KCNK10: variants seen among roughly 807,000 people sequenced by gnomAD.
The protein encoded by KCNK10 is potassium two pore domain channel subfamily K member 10, also known as potassium channel subfamily K member 10.
In KCNK10, 25 loss-of-function variants were observed where a neutral mutation model predicts 47.7. The observed-to-expected ratio is 0.52, with a 90% CI of 0.38 to 0.73. KCNK10 has a LOEUF of 0.73. Ranked by LOEUF, KCNK10 falls within the 30% of genes least tolerant of loss-of-function variation. The pLI is 0.00. For missense variants in KCNK10, 563 were observed against 714.5 expected, an observed-to-expected ratio of 0.79 and a Z score of 2.42; for synonymous variants, 303 against 285.6, an observed-to-expected ratio of 1.06 and a Z score of -0.61.
At chr14:88,252,998 G>C (rs368931732) in intron 2 of KCNK10, among the ~76,000 whole-genome samples, 11 of 152,280 alleles carry the variant, frequency 7.2e-5, no homozygotes, top group African/African-American at 1.7e-4. Context: ...ACGATTAAGA[G>C]AGCGTGGCCT....
chr14:88,218,303 G>A (rs1290736601), intron 4 of KCNK10, among the ~76,000 whole-genome samples: 1 of 152,252 alleles, frequency 6.6e-6, no homozygotes, highest in Non-Finnish European at 1.5e-5. Flanking sequence ...GAGGCCTGCA[G>A]GAGTCTTTGG....
intron 1 of KCNK10, among the ~76,000 whole-genome samples, chr14:88,317,037 T>C (rs964467168): frequency 6.6e-6 from 1 of 152,098 alleles, no homozygotes; most frequent in African/African-American, 2.4e-5. Context: ...CAGTGATCAC[T>C]GGGATTAGCA....
intron 4 of KCNK10, among the ~76,000 whole-genome samples, chr14:88,204,644 CAGTT>C (rs570714949): frequency 4.1e-5 from 6 of 145,040 alleles, no homozygotes; most frequent in Non-Finnish European, 7.5e-5. Context: ...GCTGTAGTAG[CAGTT>C]AGTTTGCAGT....
intron 4 of KCNK10, among the ~76,000 whole-genome samples, chr14:88,197,624 A>G (rs1010215146): frequency 7.1e-6 from 1 of 140,176 alleles, no homozygotes; most frequent in Non-Finnish European, 1.5e-5. Flanking sequence ...CAACTGTTCC[A>G]CTGCAGGAAG....
At chr14:88,270,375 A>C (rs1887374565) in intron 1 of KCNK10, among the ~76,000 whole-genome samples, 1 of 148,658 alleles carries the variant, frequency 6.7e-6, no homozygotes, top group South Asian at 2.2e-4. Context: ...AGATACCCAA[A>C]CAACCAAATC....
chr14:88,241,397 G>A (rs1886463001), intron 2 of KCNK10, among the ~76,000 whole-genome samples: 1 of 152,258 alleles, frequency 6.6e-6, no homozygotes, highest in Non-Finnish European at 1.5e-5. Context: ...AGGATTAAAT[G>A]AGATGGTCCA....
chr14:88,207,719 G>T (rs992782773), intron 4 of KCNK10, among the ~76,000 whole-genome samples: 1 of 152,206 alleles, frequency 6.6e-6, no homozygotes, highest in Admixed American at 6.5e-5. Context: ...TCCAGGCCAT[G>T]TGCTAGCACC....
At chr14:88,199,323 G>A (rs779710080) in intron 4 of KCNK10, among the ~76,000 whole-genome samples, 3 of 152,172 alleles carry the variant, frequency 2.0e-5, no homozygotes, top group Non-Finnish European at 4.4e-5. Context: ...AAGGGAAGGT[G>A]AGTTCCCTTC....
In KCNK10 at chr14:88,204,874, T is replaced by C. The variant is rs139150687; in HGVS notation, c.682-12464A>G. On this transcript the variant is annotated intron_variant, in intron 4 of 6. Transcript: ENST00000319231. ...AGAGTAGTGCACTGGTTACAAGTGATGAGCCTATACTGACAATATCATCCA... is the reference window on the plus strand; with the variant it reads ...AGAGTAGTGCACTGGTTACAAGTGACGAGCCTATACTGACAATATCATCCA... Among the ~76,000 whole-genome samples the C allele has an allele frequency of 2.0e-3, 300 of 152,334 alleles. 5 individuals are homozygous for C. The East Asian group carries it at 0.043, about 22-fold the overall frequency.
At position 88,265,721 on chromosome 14, in the gene KCNK10, G is replaced by T. The variant is rs376643362; in HGVS notation, c.53-2170C>A. Reference sequence around the variant, plus strand: ...TACATCTTGGGGGAGTGACCCCGTGGGAGGTAATTGAAGCATGGGGGCAGG... The same window carrying T: ...TACATCTTGGGGGAGTGACCCCGTGTGAGGTAATTGAAGCATGGGGGCAGG... On this transcript the variant is annotated intron_variant, in intron 1 of 6. Transcript: ENST00000319231. 7.2e-5 allele frequency among the ~76,000 whole-genome samples: 11 copies of T among 152,276 alleles called. No individual in the cohort carries two copies. The South Asian group carries it at 1.9e-3, about 26-fold the overall frequency.
chr14:88,304,308 C>T (rs550418720), intron 1 of KCNK10, among the ~76,000 whole-genome samples: 51 of 152,160 alleles, frequency 3.4e-4, no homozygotes, highest in Non-Finnish European at 6.9e-4. Flanking sequence ...GAGCAAGACC[C>T]TATCTCTCAA....
chr14:88,232,833 G>A (rs1046366846), intron 3 of KCNK10, among the ~76,000 whole-genome samples: 2 of 152,174 alleles, frequency 1.3e-5, no homozygotes, highest in Non-Finnish European at 2.9e-5. Flanking sequence ...TTTTGGGAAA[G>A]CCCCCCTTCC....
intron 2 of KCNK10, among the ~76,000 whole-genome samples, chr14:88,255,423 G>A (rs1886923804): frequency 2.0e-5 from 3 of 152,110 alleles, no homozygotes; most frequent in Admixed American, 1.3e-4. Context: ...ACTGGGCATG[G>A]TGCCTCAAAC....
At chr14:88,249,156 A>G (rs921430964) in intron 2 of KCNK10, among the ~76,000 whole-genome samples, 3 of 152,232 alleles carry the variant, frequency 2.0e-5, no homozygotes, top group African/African-American at 7.2e-5. Flanking sequence ...TCTCATCTCC[A>G]TTTTTAAAAA....
intron 1 of KCNK10, among the ~76,000 whole-genome samples, chr14:88,302,253 C>T (rs773255366): frequency 2.6e-5 from 4 of 152,208 alleles, no homozygotes; most frequent in African/African-American, 9.6e-5. Flanking sequence ...AGGATATACT[C>T]GGCATATAGA....
intron 4 of KCNK10, among the ~76,000 whole-genome samples, chr14:88,223,096 T>A (rs1364978163): frequency 1.3e-5 from 2 of 152,156 alleles, no homozygotes; most frequent in African/African-American, 4.8e-5. Flanking sequence ...CACAAATGCC[T>A]GATTACAAGA....
At chr14:88,193,565 T>C (rs1236109883) in intron 4 of KCNK10, among the ~76,000 whole-genome samples, 1 of 152,194 alleles carries the variant, frequency 6.6e-6, no homozygotes, top group Non-Finnish European at 1.5e-5. Context: ...CTACATTGCC[T>C]AGATGAATTT....
intron 4 of KCNK10, among the ~76,000 whole-genome samples, chr14:88,204,417 T>C (rs1885197343): frequency 6.6e-6 from 1 of 152,078 alleles, no homozygotes; most frequent in Non-Finnish European, 1.5e-5. Flanking sequence ...CCCAGGAATG[T>C]TTGCCAAAGG....
intron 2 of KCNK10, among the ~76,000 whole-genome samples, chr14:88,255,815 G>T (rs1886938762): frequency 6.6e-6 from 1 of 151,958 alleles, no homozygotes. Flanking sequence ...AACCATGATT[G>T]CACCACTGCA....
Sources: gnomAD v4.1 joint callset for allele counts (sites outside exome capture counted in the v4.1 genomes callset) on GRCh38, gnomAD v4.1.1 for gene constraint, MANE v1.5 for transcripts, NCBI Gene and HGNC (gene_info 2026-07-23, HGNC 2026-07-21) for gene names.